The following CADM2 variants were observed in gnomAD, a reference collection of about 807,000 sequenced individuals.
CADM2 encodes the protein cell adhesion molecule 2.
Under a neutral mutation model 49.8 loss-of-function variants are expected in CADM2, and 12 were observed. That is an observed-to-expected ratio of 0.24 (90% confidence interval 0.15 to 0.39). The LOEUF (loss-of-function observed/expected upper bound fraction) is 0.39, where lower values mean the gene tolerates loss of function less well. Among genes scored for constraint, CADM2 ranks in the 10% least tolerant of loss-of-function variants. CADM2 has a pLI of 1.00. For synonymous variants in CADM2, 214 were observed against 175.4 expected, an observed-to-expected ratio of 1.22 and a Z score of -1.74; for missense variants, 378 against 492.3, an observed-to-expected ratio of 0.77 and a Z score of 2.20.
chr3:85,378,799 A>G (rs1318057791), intron 1 of CADM2, among the ~76,000 whole-genome samples: 1 of 151,986 alleles, frequency 6.6e-6, no homozygotes, highest in Non-Finnish European at 1.5e-5. Context: ...TGACAGATCC[A>G]CCAAAATCTC....
At chr3:85,167,905 A>G (rs552092985) in intron 1 of CADM2, among the ~76,000 whole-genome samples, 1 of 152,174 alleles carries the variant, frequency 6.6e-6, no homozygotes, top group Non-Finnish European at 1.5e-5. Context: ...GTGTGTATAT[A>G]TATGTATATA....
chr3:85,892,978 C>T (rs4134358), intron 5 of CADM2, among the ~76,000 whole-genome samples: 32,684 of 152,014 alleles, frequency 0.22, 3,928 homozygotes, highest in African/African-American at 0.33. Flanking sequence ...ATATGGACAA[C>T]AAAGTTCAGC....
intron 1 of CADM2, among the ~76,000 whole-genome samples, chr3:85,416,490 C>A (rs2035925626): frequency 6.6e-6 from 1 of 152,142 alleles, no homozygotes; most frequent in African/African-American, 2.4e-5. Context: ...ATGACTTATA[C>A]AACAGAAAAG....
intron 1 of CADM2, among the ~76,000 whole-genome samples, chr3:85,128,035 T>A (rs886821915): frequency 1.9e-4 from 29 of 152,202 alleles, no homozygotes; most frequent in African/African-American, 6.8e-4. Context: ...ATGTGGCTAA[T>A]GATTACGGTG....
chr3:85,299,801 A>G (rs922909895), intron 1 of CADM2, among the ~76,000 whole-genome samples: 1 of 152,032 alleles, frequency 6.6e-6, no homozygotes, highest in African/African-American at 2.4e-5. Flanking sequence ...CAGGGAACTC[A>G]GATTGTTTGG....
chr3:85,225,644 A>T (rs1466595385), intron 1 of CADM2, among the ~76,000 whole-genome samples: 1 of 152,220 alleles, frequency 6.6e-6, no homozygotes, highest in Non-Finnish European at 1.5e-5. Flanking sequence ...TATATTCAAT[A>T]GGAATGGTGA....
chr3:85,308,738 C>T (rs955920757), intron 1 of CADM2, among the ~76,000 whole-genome samples: 2 of 151,890 alleles, frequency 1.3e-5, no homozygotes, highest in African/African-American at 2.4e-5. Flanking sequence ...TGTTCTAGTT[C>T]GTCTCCACTT....
intron 1 of CADM2, among the ~76,000 whole-genome samples, chr3:85,226,192 A>T (rs1436188961): frequency 1.3e-5 from 2 of 151,268 alleles, no homozygotes; most frequent in Non-Finnish European, 2.9e-5. Context: ...GGAAGAAATG[A>T]TATCAGCTCC....
chr3:85,061,885 G>A (rs1344853711), intron 1 of CADM2, among the ~76,000 whole-genome samples: 1 of 152,004 alleles, frequency 6.6e-6, no homozygotes, highest in Admixed American at 6.6e-5. Context: ...CTGCAAAATA[G>A]TAGCAATAGG....
chr3:86,002,738 G>C (rs527258509), intron 8 of CADM2, among the ~76,000 whole-genome samples: 1 of 151,996 alleles, frequency 6.6e-6, no homozygotes, highest in Non-Finnish European at 1.5e-5. Context: ...GTTCAAAATC[G>C]GTTCATAAAA....
Position 85,282,889 on chromosome 3 carries a change from GAGA to G in CADM2, c.61+323225_61+323227del, listed in dbSNP as rs1396789506. 3.9e-5 allele frequency among the ~76,000 whole-genome samples: 6 copies of G among 152,156 alleles called. No homozygotes were observed. The South Asian group carries it at 1.2e-3, about 32-fold the overall frequency. ...ATTGTATGCTTAAAAATACCTAGAG[GAGA>G]AGATTTGAAATGTTTCCAGCACAGA... On this transcript the variant is annotated intron_variant, in intron 1 of 9. Coordinates refer to ENST00000383699, the MANE Select transcript of CADM2 (RefSeq NM_001167675.2).
chr3:84,996,585 A>G (rs1015362774), intron 1 of CADM2, among the ~76,000 whole-genome samples: 6 of 152,270 alleles, frequency 3.9e-5, no homozygotes, highest in African/African-American at 1.4e-4. Flanking sequence ...AAAAAATATT[A>G]TGAAATTACC....
chr3:85,718,431 T>C (rs1266166446), intron 1 of CADM2, among the ~76,000 whole-genome samples: 1 of 152,136 alleles, frequency 6.6e-6, no homozygotes, highest in African/African-American at 2.4e-5. Context: ...TCTTACAGAG[T>C]CACTTTTAGA....
chr3:85,281,188 A>T (rs1365273877), intron 1 of CADM2, among the ~76,000 whole-genome samples: 1 of 151,914 alleles, frequency 6.6e-6, no homozygotes, highest in Non-Finnish European at 1.5e-5. Context: ...AGAACATTGA[A>T]TAGTAACAAT....
At chr3:85,174,590 C>T (rs576421221) in intron 1 of CADM2, among the ~76,000 whole-genome samples, 6 of 151,402 alleles carry the variant, frequency 4.0e-5, no homozygotes, top group East Asian at 1.9e-4. Context: ...TTAGGGTGAC[C>T]GTAAGGAAAA....
At chr3:85,485,624 T>G (rs1039486633) in intron 1 of CADM2, among the ~76,000 whole-genome samples, 4 of 152,070 alleles carry the variant, frequency 2.6e-5, no homozygotes, top group African/African-American at 9.7e-5. Context: ...AGCAAAATCA[T>G]AGTTAATTGC....
Position 85,601,173 on chromosome 3 carries a change from T to TACACAC in CADM2, c.62-125337_62-125332dup, listed in dbSNP as rs374397941. On this transcript the variant is annotated intron_variant, in intron 1 of 9. Coordinates refer to ENST00000383699, the MANE Select transcript of CADM2 (RefSeq NM_001167675.2). Reference sequence around the variant, plus strand: ...ATATATATATATATATATATATATATACACACACACACACACATACATGTC... The same window carrying TACACAC: ...ATATATATATATATATATATATATATACACACACACACACACACACACATACATGTC... Among the ~76,000 whole-genome samples, 610 of 98,908 alleles carry TACACAC rather than the reference T, an allele frequency of 6.2e-3. 4 individuals carry two copies. The highest frequency in any genetic ancestry group is 0.022 in the Middle Eastern group (4 of 186). The allele number at this position is 98,908 out of a possible 152,430, so 64.9% of individuals were successfully genotyped here.
chr3:85,034,772 T>C (rs1477536633), intron 1 of CADM2, among the ~76,000 whole-genome samples: 1 of 150,706 alleles, frequency 6.6e-6, no homozygotes, highest in Admixed American at 6.7e-5. Flanking sequence ...GCCTATCTTT[T>C]AGATAAAAGA....
Position 85,247,325 on chromosome 3 carries a change from G to A in CADM2, c.61+287657G>A, listed in dbSNP as rs376026066. The stretch of plus-strand genomic sequence containing the variant: ...TCTAACATTAGTGATGAGGAATTTA[G>A]TTGCTCAAAGTATGAGAAAAGATAC... On this transcript the variant is annotated intron_variant, in intron 1 of 9. Transcript: ENST00000383699. Among the ~76,000 whole-genome samples, 272 of 152,168 alleles carry A rather than the reference G, an allele frequency of 1.8e-3. 1 individual carries two copies. The highest frequency in any genetic ancestry group is 6.3e-3 in the African/African-American group (261 of 41,546).
Sources: allele counts gnomAD v4.1 joint callset (sites outside exome capture counted in the v4.1 genomes callset), GRCh38; gene constraint gnomAD v4.1.1; transcripts MANE v1.5; gene names NCBI Gene and HGNC (gene_info 2026-07-23, HGNC 2026-07-21).